Variants in NSMCE2 observed in about 807,000 individuals in gnomAD.
The protein encoded by NSMCE2 is NSE2 SUMO ligase component of SMC5/6 complex.
In NSMCE2, 24 loss-of-function variants were observed where a neutral mutation model predicts 23.8. The observed-to-expected ratio is 1.01, with a 90% CI of 0.73 to 1.42. The LOEUF (loss-of-function observed/expected upper bound fraction) is 1.42, where lower values mean the gene tolerates loss of function less well. NSMCE2 is among the 40% of genes most tolerant of loss of function. The pLI is 0.00. For missense variants in NSMCE2, 284 were observed against 296.5 expected, an observed-to-expected ratio of 0.96 and a Z score of 0.31; for synonymous variants, 92 against 94.1, an observed-to-expected ratio of 0.98 and a Z score of 0.13.
In NSMCE2 at chr8:125,324,912, G is replaced by A. The variant is rs1829601476; in HGVS notation, c.419-32307G>A. On this transcript the variant is annotated intron_variant, in intron 5 of 7. Coordinates refer to ENST00000287437, the MANE Select transcript of NSMCE2 (RefSeq NM_173685.4). Reference sequence around the variant, plus strand: ...TTCTTTATGATGCAAATTGATGTAAGGCATCAGAAAACAGATCAGTTGTGT... The same window carrying A: ...TTCTTTATGATGCAAATTGATGTAAAGCATCAGAAAACAGATCAGTTGTGT... Among the ~76,000 whole-genome samples, 2 of 146,646 alleles carry A rather than the reference G, an allele frequency of 1.4e-5. 1 individual carries two copies.
intron 5 of NSMCE2, among the ~76,000 whole-genome samples, chr8:125,238,136 C>T (rs1825631326): frequency 6.6e-6 from 1 of 152,202 alleles, no homozygotes; most frequent in Middle Eastern, 3.4e-3. Flanking sequence ...ATTCAAGTCC[C>T]CTCCTAACCC....
intron 5 of NSMCE2, among the ~76,000 whole-genome samples, chr8:125,263,623 G>A (rs117138138): frequency 0.095 from 14,503 of 152,034 alleles, 998 homozygotes; most frequent in South Asian, 0.19. Flanking sequence ...GGTAGCACGC[G>A]CCTATAATCC....
rs1192815322 is a variant in NSMCE2 at position 125,328,901 on chromosome 8, G to C, written c.419-28318G>C. ...GAGGAAACATCTAGTCACTGTTTCAGTGAGACCCGAAGTCAGAACTCCTGG... is the reference window on the plus strand; with the variant it reads ...GAGGAAACATCTAGTCACTGTTTCACTGAGACCCGAAGTCAGAACTCCTGG... On this transcript the variant is annotated intron_variant, in intron 5 of 7. Coordinates refer to ENST00000287437, the MANE Select transcript of NSMCE2 (RefSeq NM_173685.4). Among the ~76,000 whole-genome samples, 3 of 152,090 alleles carry C rather than the reference G, an allele frequency of 2.0e-5. No individual in the cohort carries two copies. The East Asian group carries it at 5.8e-4, about 29-fold the overall frequency.
At chr8:125,215,510 A>G (rs933127745) in intron 5 of NSMCE2, among the ~76,000 whole-genome samples, 5 of 152,036 alleles carry the variant, frequency 3.3e-5, no homozygotes, top group Admixed American at 2.0e-4. Flanking sequence ...ATACGTGTGC[A>G]TGGGTCTTTA....
chr8:125,355,223 A>G lies in NSMCE2; in HGVS notation c.419-1996A>G, dbSNP rs192862257. ...CAGTCATCAGTTCTATGGAACCGAA[A>G]GGTATGCCACACCATCTGAACCAGA... is the stretch of plus-strand genomic sequence containing the variant. On this transcript the variant is annotated intron_variant, in intron 5 of 7. Transcript: ENST00000287437. Among the ~76,000 whole-genome samples, 469 of 152,372 alleles carry G rather than the reference A, an allele frequency of 3.1e-3. 1 individual carries two copies. The highest frequency in any genetic ancestry group is 0.013 in the South Asian group (62 of 4,830).
At chr8:125,164,086 G>T (rs1821755372) in intron 4 of NSMCE2, among the ~76,000 whole-genome samples, 2 of 152,196 alleles carry the variant, frequency 1.3e-5, no homozygotes, top group Admixed American at 6.5e-5. Context: ...AGCCAGATTT[G>T]TAAGTATCAT....
intron 4 of NSMCE2, among the ~76,000 whole-genome samples, chr8:125,165,311 T>C (rs1209627735): frequency 6.6e-6 from 1 of 152,250 alleles, no homozygotes; most frequent in East Asian, 1.9e-4. Flanking sequence ...TTCATCTTCA[T>C]GCACAAGGTA....
At chr8:125,301,937 ACAGG>A (rs1828582365) in intron 5 of NSMCE2, among the ~76,000 whole-genome samples, 1 of 151,762 alleles carries the variant, frequency 6.6e-6, no homozygotes, top group African/African-American at 2.4e-5. Flanking sequence ...TGCTGGAATT[ACAGG>A]CATGAGCCAC....
intron 5 of NSMCE2, among the ~76,000 whole-genome samples, chr8:125,308,490 C>T (rs1828846568): frequency 6.6e-6 from 1 of 152,182 alleles, no homozygotes; most frequent in South Asian, 2.1e-4. Context: ...GGCTAAACAA[C>T]AACCCAAAGT....
chr8:125,195,318 A>G (rs1267206777), intron 5 of NSMCE2, among the ~76,000 whole-genome samples: 1 of 152,154 alleles, frequency 6.6e-6, no homozygotes, highest in Non-Finnish European at 1.5e-5. Context: ...GGCAATGCTA[A>G]TGTACAATGA....
chr8:125,146,240 C>T (rs922164783), intron 3 of NSMCE2, among the ~76,000 whole-genome samples: 10 of 152,116 alleles, frequency 6.6e-5, no homozygotes, highest in African/African-American at 2.2e-4. Flanking sequence ...TGCTTGTCCT[C>T]CTTGTGTTTA....
intron 4 of NSMCE2, among the ~76,000 whole-genome samples, chr8:125,165,231 GT>G (rs1821815863): frequency 6.6e-6 from 1 of 152,198 alleles, no homozygotes; most frequent in African/African-American, 2.4e-5. Flanking sequence ...CTTAGGTAAA[GT>G]ACTTAATTTA....
Position 125,137,682 on chromosome 8 carries a change from T to G in NSMCE2, c.158-13489T>G, listed in dbSNP as rs181156846. 3.1e-3 allele frequency among the ~76,000 whole-genome samples: 473 copies of G among 152,326 alleles called. 3 individuals carry two copies. The highest frequency in any genetic ancestry group is 0.011 in the African/African-American group (447 of 41,574). On this transcript the variant is annotated intron_variant, in intron 3 of 7. Coordinates refer to ENST00000287437, the MANE Select transcript of NSMCE2 (RefSeq NM_173685.4). ...CAAAGTCTTATGACATAGAAATGTT[T>G]ATGCCCAAAGGGTGGTGATTATTGA...
chr8:125,176,417 C>G (rs1225286831), intron 4 of NSMCE2, among the ~76,000 whole-genome samples: 1 of 152,174 alleles, frequency 6.6e-6, no homozygotes, highest in Non-Finnish European at 1.5e-5. Context: ...ACTCTTCTAG[C>G]CGCCCTTAAA....
chr8:125,267,050 G>A (rs1344872664), intron 5 of NSMCE2, among the ~76,000 whole-genome samples: 1 of 137,034 alleles, frequency 7.3e-6, no homozygotes, highest in Non-Finnish European at 1.5e-5. Context: ...TGTCTCCCAG[G>A]CAGTAGTGCA....
intron 3 of NSMCE2, among the ~76,000 whole-genome samples, chr8:125,148,219 C>G (rs1418626682): frequency 6.6e-6 from 1 of 152,158 alleles, no homozygotes; most frequent in African/African-American, 2.4e-5. Context: ...CAGTTAGGCT[C>G]CAGAGATTCT....
intron 5 of NSMCE2, among the ~76,000 whole-genome samples, chr8:125,256,794 A>T (rs1826438484): frequency 6.6e-6 from 1 of 151,772 alleles, no homozygotes; most frequent in South Asian, 2.1e-4. Flanking sequence ...GCGTGGTGGC[A>T]CATGCCTGTA....
intron 5 of NSMCE2, among the ~76,000 whole-genome samples, chr8:125,298,612 A>G (rs1409548981): frequency 1.3e-5 from 2 of 151,454 alleles, no homozygotes; most frequent in East Asian, 1.9e-4. Context: ...CAGAGTTGTT[A>G]TAGTAATTAA....
At chr8:125,327,479 A>G (rs566804584) in intron 5 of NSMCE2, among the ~76,000 whole-genome samples, 143 of 152,286 alleles carry the variant, frequency 9.4e-4, no homozygotes, top group Middle Eastern at 3.4e-3. Flanking sequence ...TGTCCCAAAT[A>G]ACTAAAATAT....
Sources: allele counts gnomAD v4.1 joint callset (sites outside exome capture counted in the v4.1 genomes callset), GRCh38; gene constraint gnomAD v4.1.1; transcripts MANE v1.5; gene names NCBI Gene and HGNC (gene_info 2026-07-23, HGNC 2026-07-21).